Variants in DNAJC1 observed in about 807,000 individuals in gnomAD.
DNAJC1 encodes the protein dnaJ homolog subfamily C member 1.
In DNAJC1, 58 loss-of-function variants were observed where a neutral mutation model predicts 76.6. The ratio of observed to expected loss-of-function variants is 0.76; its 90% confidence interval spans 0.61 to 0.94. The LOEUF is 0.94. DNAJC1 is among the 40% of genes least tolerant of loss of function. The pLI, the probability that DNAJC1 is intolerant of heterozygous loss-of-function variation, is 0.00. For synonymous variants in DNAJC1, 258 were observed against 267.9 expected (o/e 0.96, Z 0.36); for missense variants, 689 against 677.3 (o/e 1.02, Z -0.19).
chr10:21,996,098 T>C (rs1380844160), intron 1 of DNAJC1, among the ~76,000 whole-genome samples: 1 of 152,226 alleles, frequency 6.6e-6, no homozygotes, highest in Admixed American at 6.5e-5. Context: ...CATTATAAAA[T>C]GATCTAGGGT....
chr10:21,779,213 T>TA (rs1834494625), intron 9 of DNAJC1, among the ~76,000 whole-genome samples: 1 of 152,180 alleles, frequency 6.6e-6, no homozygotes, highest in African/African-American at 2.4e-5. Flanking sequence ...TCTGCAGACT[T>TA]AAATGTCCCT....
In DNAJC1 at chr10:21,880,091, G is replaced by T. The variant is rs1404142573; in HGVS notation, c.978+2191C>A. On this transcript the variant is annotated intron_variant, in intron 8 of 11. Coordinates refer to ENST00000376980, the MANE Select transcript of DNAJC1 (RefSeq NM_022365.4). ...TCACCAGGAATAGATTCCATCTCAAGAACCACTTTCTTTGTTCACCCATAA... is the reference window on the plus strand; with the variant it reads ...TCACCAGGAATAGATTCCATCTCAATAACCACTTTCTTTGTTCACCCATAA... Among the ~76,000 whole-genome samples, 32 of 152,168 alleles carry T rather than the reference G, an allele frequency of 2.1e-4. 1 individual carries two copies. The highest frequency in any genetic ancestry group is 2.1e-3 in the Admixed American group (32 of 15,288).
At chr10:21,846,511 A>T (rs1423493306) in intron 8 of DNAJC1, among the ~76,000 whole-genome samples, 3 of 152,238 alleles carry the variant, frequency 2.0e-5, no homozygotes, top group Non-Finnish European at 4.4e-5. Flanking sequence ...ACATATGCAG[A>T]GGTATTAGAA....
In DNAJC1 at chr10:22,003,240, G is replaced by T; in HGVS notation, c.195C>A (p.Asn65Lys). 1 of 1,571,124 alleles carries T rather than the reference G, an allele frequency of 6.4e-7. No individual in the cohort carries two copies. Among genetic ancestry groups the T allele is most frequent in the East Asian group, 2.5e-5 (1 of 39,998 alleles). The stretch of plus-strand genomic sequence containing the variant: ...GCTGCACCCCGAGGAACTGGTAGAA[G>T]TTGAGCTGCACCTCCTCCACTAAGT... ...LFDLVEEVQL[N>K]FYQFLGVQQD... The change falls in exon 1 of 12, where the codon AAC becomes AAA. Residue 65 changes from asparagine (N) to lysine (K), a missense_variant. Coordinates refer to ENST00000376980, the MANE Select transcript of DNAJC1 (RefSeq NM_022365.4).
intron 1 of DNAJC1, among the ~76,000 whole-genome samples, chr10:21,951,840 A>G (rs766780043): frequency 3.9e-5 from 6 of 152,234 alleles, no homozygotes; most frequent in African/African-American, 4.8e-5. Context: ...ATGCAATTAT[A>G]TAAGTTTAGA....
intron 7 of DNAJC1, among the ~76,000 whole-genome samples, chr10:21,897,251 G>A (rs1010720382): frequency 3.9e-5 from 6 of 152,020 alleles, no homozygotes; most frequent in Non-Finnish European, 7.3e-5. Flanking sequence ...CCATGTCCTC[G>A]TGGTGTTTAC....
intron 1 of DNAJC1, among the ~76,000 whole-genome samples, chr10:21,948,466 C>A (rs984639838): frequency 6.6e-6 from 1 of 152,030 alleles, no homozygotes; most frequent in African/African-American, 2.4e-5. Flanking sequence ...ATTTCTAATT[C>A]CAGGCAGAGT....
chr10:21,783,548 C>G (rs1433624488), intron 9 of DNAJC1, among the ~76,000 whole-genome samples: 2 of 152,266 alleles, frequency 1.3e-5, no homozygotes, highest in East Asian at 1.9e-4. Context: ...TTGGAAAAAA[C>G]TACTTTAAAG....
intron 1 of DNAJC1, among the ~76,000 whole-genome samples, chr10:21,947,133 T>C (rs905876122): frequency 2.6e-5 from 4 of 152,226 alleles, no homozygotes; most frequent in African/African-American, 9.6e-5. Flanking sequence ...AAATTTCATG[T>C]GCATGATGTC....
intron 7 of DNAJC1, among the ~76,000 whole-genome samples, chr10:21,900,096 A>T (rs538420111): frequency 1.3e-5 from 2 of 152,290 alleles, no homozygotes; most frequent in East Asian, 3.9e-4. Context: ...TAATCCCAAC[A>T]CTTTGAGAGG....
chr10:21,872,234 C>T (rs1008394048), intron 8 of DNAJC1, among the ~76,000 whole-genome samples: 47 of 151,336 alleles, frequency 3.1e-4, no homozygotes, highest in African/African-American at 1.0e-3. Flanking sequence ...CCACCACACC[C>T]GGCTAATTTT....
intron 9 of DNAJC1, among the ~76,000 whole-genome samples, chr10:21,797,881 G>A (rs1834766290): frequency 6.6e-6 from 1 of 152,146 alleles, no homozygotes; most frequent in Non-Finnish European, 1.5e-5. Flanking sequence ...TCCACTCTCA[G>A]GTAGTCTGTT....
intron 1 of DNAJC1, among the ~76,000 whole-genome samples, chr10:21,961,175 A>G (rs1415277915): frequency 6.6e-6 from 1 of 152,236 alleles, no homozygotes; most frequent in Non-Finnish European, 1.5e-5. Flanking sequence ...TAGTTCCTCA[A>G]AAAGTTAAAC....
intron 1 of DNAJC1, among the ~76,000 whole-genome samples, chr10:21,996,243 C>T (rs960282287): frequency 6.6e-6 from 1 of 152,200 alleles, no homozygotes; most frequent in Non-Finnish European, 1.5e-5. Context: ...TCTAAACAGA[C>T]CCAATAATGC....
chr10:21,828,258 T>A (rs1264256574), intron 8 of DNAJC1, among the ~76,000 whole-genome samples: 1 of 152,228 alleles, frequency 6.6e-6, no homozygotes, highest in Non-Finnish European at 1.5e-5. Flanking sequence ...TTATATCCCA[T>A]GTGCCCAGCT....
At chr10:21,877,297 T>C (rs942505429) in intron 8 of DNAJC1, among the ~76,000 whole-genome samples, 3 of 57,250 alleles carry the variant, frequency 5.2e-5, no homozygotes, top group Admixed American at 1.4e-4. Flanking sequence ...CATATATATA[T>C]ACATATATAT....
chr10:21,811,371 G>A (rs370348643), intron 8 of DNAJC1, among the ~76,000 whole-genome samples: 3 of 152,176 alleles, frequency 2.0e-5, no homozygotes, highest in East Asian at 1.9e-4. Flanking sequence ...TGTTACTTGC[G>A]AAATGACTCA....
intron 8 of DNAJC1, among the ~76,000 whole-genome samples, chr10:21,837,384 G>A (rs1040292305): frequency 1.2e-4 from 18 of 152,018 alleles, no homozygotes; most frequent in Non-Finnish European, 2.2e-4. Flanking sequence ...CGTCTGGGAT[G>A]TGAGGAGCCC....
intron 1 of DNAJC1, among the ~76,000 whole-genome samples, chr10:21,935,889 T>C (rs755168336): frequency 2.0e-5 from 3 of 152,114 alleles, no homozygotes; most frequent in Admixed American, 6.6e-5. Flanking sequence ...AAATAAATTA[T>C]GATATCCCAG....
Sources: gnomAD v4.1 joint callset for allele counts (sites outside exome capture counted in the v4.1 genomes callset) on GRCh38, gnomAD v4.1.1 for gene constraint, MANE v1.5 for transcripts, NCBI Gene and HGNC (gene_info 2026-07-23, HGNC 2026-07-21) for gene names.